Variants in FARS2 observed in about 807,000 individuals in gnomAD.
The protein encoded by FARS2 is phenylalanyl-tRNA synthetase 2, mitochondrial.
A neutral mutation model predicts 46.4 loss-of-function variants in FARS2; 40 were observed. That is an observed-to-expected ratio of 0.86 (90% CI 0.67 to 1.12). FARS2 has a LOEUF of 1.12. FARS2 is among the 50% of genes most tolerant of loss of function. FARS2 has a pLI of 0.00. For synonymous variants in FARS2, 234 were observed against 214.9 expected (o/e 1.09, Z -0.78); for missense variants, 513 against 567.9 (o/e 0.90, Z 0.98).
intron 6 of FARS2, among the ~76,000 whole-genome samples, chr6:5,647,333 T>C (rs1273960503): frequency 2.0e-5 from 3 of 152,190 alleles, no homozygotes; most frequent in Non-Finnish European, 2.9e-5. Flanking sequence ...GTTTGTTGAC[T>C]GCATTGGTCC....
rs372908448 is a variant in FARS2 at position 5,392,940 on chromosome 6, G to A, written c.613-11602G>A. The stretch of plus-strand genomic sequence containing the variant: ...TGTATATATACATATATGTGTGTGT[G>A]TATATATATATACACATAAAATATA... On this transcript the variant is annotated intron_variant, in intron 2 of 6. Coordinates refer to ENST00000274680, the MANE Select transcript of FARS2 (RefSeq NM_006567.5). 1.9e-3 allele frequency among the ~76,000 whole-genome samples: 222 copies of A among 118,690 alleles called. 1 individual carries two copies. The highest frequency in any genetic ancestry group is 7.4e-3 in the African/African-American group (187 of 25,192). 77.9% of individuals were successfully genotyped at this position (118,690 alleles called of 152,430 possible).
At chr6:5,497,261 A>G (rs917170943) in intron 4 of FARS2, among the ~76,000 whole-genome samples, 1 of 152,252 alleles carries the variant, frequency 6.6e-6, no homozygotes, top group Non-Finnish European at 1.5e-5. Context: ...CTGAGTCCAC[A>G]TGAGGAAAGA....
chr6:5,398,571 C>T lies in FARS2; in HGVS notation c.613-5971C>T, dbSNP rs1761041252. ...GTCATTTCTTTAAGAAACTCTGTTC[C>T]TTTTTTATTAAAGAATGGTATTTAG... On this transcript the variant is annotated intron_variant, in intron 2 of 6. Coordinates refer to ENST00000274680, the MANE Select transcript of FARS2 (RefSeq NM_006567.5). 2.6e-5 allele frequency among the ~76,000 whole-genome samples: 4 copies of T among 152,222 alleles called. 1 individual carries two copies. The South Asian group carries it at 8.3e-4, about 32-fold the overall frequency.
chr6:5,412,706 A>T (rs921572807), intron 3 of FARS2, among the ~76,000 whole-genome samples: 1 of 152,204 alleles, frequency 6.6e-6, no homozygotes, highest in African/African-American at 2.4e-5. Flanking sequence ...ATTCTTCCTA[A>T]ATGGAATCAC....
At chr6:5,286,738 A>G (rs539409349) in intron 1 of FARS2, among the ~76,000 whole-genome samples, 23 of 152,366 alleles carry the variant, frequency 1.5e-4, no homozygotes, top group Admixed American at 6.5e-4. Flanking sequence ...ATACCATATA[A>G]TTATGTATAT....
intron 6 of FARS2, chr6:5,694,819 TAGTG>T (rs1466221778): frequency 8.0e-6 from 1 of 125,000 alleles, no homozygotes; most frequent in Non-Finnish European, 1.6e-5. Flanking sequence ...CCTGGCAACA[TAGTG>T]AGAACCCCCC....
chr6:5,499,192 C>T (rs1192808318), intron 4 of FARS2, among the ~76,000 whole-genome samples: 1 of 152,220 alleles, frequency 6.6e-6, no homozygotes, highest in African/African-American at 2.4e-5. Context: ...TGACCTTTCA[C>T]TGGCAGTTCA....
chr6:5,473,124 C>T (rs1186735028), intron 4 of FARS2, among the ~76,000 whole-genome samples: 1 of 152,058 alleles, frequency 6.6e-6, no homozygotes. Flanking sequence ...TATTTGCATA[C>T]CAAACACTAC....
rs11393453 is a variant in FARS2 at position 5,456,730 on chromosome 6, CAA to C, written c.904+25575_904+25576del. ...TGGGCAACACAGCGAGACTCCATCT[CAA>C]AAAAAAAAAAAAAAAAGAGATGGGC... On this transcript the variant is annotated intron_variant, in intron 4 of 6. Coordinates refer to ENST00000274680, the MANE Select transcript of FARS2 (RefSeq NM_006567.5). Among the ~76,000 whole-genome samples, 9 of 69,882 alleles carry C rather than the reference CAA, an allele frequency of 1.3e-4. No individual in the cohort carries two copies. In the East Asian group the frequency reaches 2.3e-3, roughly 18 times the overall value. 45.8% of individuals were successfully genotyped at this position (69,882 alleles called of 152,430 possible). A position where few individuals can be genotyped will look rare whatever the true frequency, so the allele number is the denominator to read the frequency against.
At chr6:5,770,464 C>A (rs1762977143) in intron 6 of FARS2, among the ~76,000 whole-genome samples, 1 of 152,090 alleles carries the variant, frequency 6.6e-6, no homozygotes, top group East Asian at 1.9e-4. Flanking sequence ...GTGACCAGAT[C>A]CCCTTATTGT....
At chr6:5,715,108 A>G (rs1243162498) in intron 6 of FARS2, among the ~76,000 whole-genome samples, 6 of 152,070 alleles carry the variant, frequency 3.9e-5, no homozygotes, top group African/African-American at 1.4e-4. Flanking sequence ...AAATATATCA[A>G]CTTCATTTAA....
chr6:5,567,093 A>G (rs1561718254), intron 5 of FARS2, among the ~76,000 whole-genome samples: 2 of 152,254 alleles, frequency 1.3e-5, no homozygotes, highest in Admixed American at 6.5e-5. Flanking sequence ...TTTACAGTCT[A>G]TACTCTATAG....
At chr6:5,585,897 T>C (rs1270110405) in intron 5 of FARS2, among the ~76,000 whole-genome samples, 1 of 152,178 alleles carries the variant, frequency 6.6e-6, no homozygotes, top group African/African-American at 2.4e-5. Flanking sequence ...TTCTAAATAC[T>C]GATTTCATTT....
At chr6:5,516,223 G>A (rs1194298220) in intron 4 of FARS2, among the ~76,000 whole-genome samples, 2 of 152,290 alleles carry the variant, frequency 1.3e-5, no homozygotes, top group African/African-American at 2.4e-5. Flanking sequence ...GAAGGGACAC[G>A]TTTCACTTTC....
At chr6:5,299,781 G>A (rs903334328) in intron 1 of FARS2, among the ~76,000 whole-genome samples, 2 of 149,376 alleles carry the variant, frequency 1.3e-5, no homozygotes, top group African/African-American at 2.5e-5. Context: ...GAGAACATGC[G>A]GTGTTTGGTT....
intron 6 of FARS2, among the ~76,000 whole-genome samples, chr6:5,713,397 G>A (rs188175732): frequency 2.6e-5 from 4 of 152,370 alleles, no homozygotes; most frequent in East Asian, 1.9e-4. Context: ...GCTTAAAAAT[G>A]TGTGAATTCT....
rs1038020457 is a variant in FARS2, at chr6:5,696,958, C to T, written c.1218-74333C>T. Among the ~76,000 whole-genome samples the T allele has an allele frequency of 2.2e-4, 34 of 152,230 alleles. 1 individual carries two copies. In the East Asian group the frequency reaches 2.3e-3, roughly 10 times the overall value. On this transcript the variant is annotated intron_variant, in intron 6 of 6. Coordinates refer to ENST00000274680, the MANE Select transcript of FARS2 (RefSeq NM_006567.5). ...AAGATAATAAAAGTTTTAGCAAAAC[C>T]AGCTAGAACCTCTTGGGAGTGAGTT...
At chr6:5,421,317 G>A (rs1762536382) in intron 3 of FARS2, among the ~76,000 whole-genome samples, 1 of 152,180 alleles carries the variant, frequency 6.6e-6, no homozygotes, top group Admixed American at 6.5e-5. Flanking sequence ...GGGACCCTGG[G>A]CCTGGCTCAT....
At position 5,267,808 on chromosome 6, in the gene FARS2, C is replaced by A. The variant is rs1419109547; in HGVS notation, c.-22+6148C>A. Among the ~76,000 whole-genome samples the A allele has an allele frequency of 6.6e-5, 10 of 151,050 alleles. No individual in the cohort carries two copies. The South Asian group carries it at 1.9e-3, about 28-fold the overall frequency. On this transcript the variant is annotated intron_variant, in intron 1 of 6. Coordinates refer to ENST00000274680, the MANE Select transcript of FARS2 (RefSeq NM_006567.5). Reference sequence around the variant, plus strand: ...CTTCCACAATGGTTGAACTAGTTTACACTCCCACCAACAGTGTAAAAGTAT... The same window carrying A: ...CTTCCACAATGGTTGAACTAGTTTAAACTCCCACCAACAGTGTAAAAGTAT...
Sources: gnomAD v4.1 joint callset for allele counts (sites outside exome capture counted in the v4.1 genomes callset) on GRCh38, gnomAD v4.1.1 for gene constraint, MANE v1.5 for transcripts, NCBI Gene and HGNC (gene_info 2026-07-23, HGNC 2026-07-21) for gene names.